The following PHACTR3 variants were observed in gnomAD, a reference collection of about 807,000 sequenced individuals.
The protein encoded by PHACTR3 is protein phosphatase 1, regulatory subunit 123.
PHACTR3 carries 16 observed loss-of-function variants against 66.8 expected under a neutral mutation model. The ratio of observed to expected loss-of-function variants is 0.24; its 90% confidence interval spans 0.16 to 0.36. The LOEUF (loss-of-function observed/expected upper bound fraction) is 0.36. Ranked by LOEUF, PHACTR3 falls within the 10% of genes least tolerant of loss-of-function variation. The pLI, the probability that PHACTR3 is intolerant of heterozygous loss-of-function variation, is 1.00. For synonymous variants in PHACTR3, 323 were observed against 292.1 expected, an observed-to-expected ratio of 1.11 and a Z score of -1.08; for missense variants, 647 against 719.9, an observed-to-expected ratio of 0.90 and a Z score of 1.16.
At chr20:59,658,176 C>T (rs916158352) in intron 1 of PHACTR3, among the ~76,000 whole-genome samples, 1 of 152,014 alleles carries the variant, frequency 6.6e-6, no homozygotes, top group African/African-American at 2.4e-5. Flanking sequence ...ATTTCTATCT[C>T]TTTATTGACA....
At chr20:59,755,022 C>A (rs1341225401) in intron 3 of PHACTR3, among the ~76,000 whole-genome samples, 160 bp from the exon 4 acceptor site, 2 of 152,014 alleles carry the variant, frequency 1.3e-5, no homozygotes, top group Non-Finnish European at 2.9e-5. Context: ...CCTGGAAAGT[C>A]CAGACTTGGA....
rs116783908 is a variant in PHACTR3, at chr20:59,578,629, C to T, written c.109+1012C>T. 5.0e-3 allele frequency among the ~76,000 whole-genome samples: 758 copies of T among 152,260 alleles called. 8 individuals carry two copies. Among genetic ancestry groups the T allele is most frequent in the African/African-American group, 0.017 (714 of 41,550 alleles). On this transcript the variant is annotated intron_variant, in intron 1 of 12. Transcript: ENST00000359926. ...CCACTGGCACCCAGTGGGCAGAAGC[C>T]GGGGACACTGCTAAGCATCCCGCAC... is the stretch of plus-strand genomic sequence containing the variant.
At chr20:59,763,475 T>C (rs117201967) in intron 4 of PHACTR3, among the ~76,000 whole-genome samples, 8 of 152,248 alleles carry the variant, frequency 5.3e-5, no homozygotes, top group Non-Finnish European at 1.0e-4. Flanking sequence ...ATTTGCAAGA[T>C]GGGTTGATGG....
chr20:59,725,584 G>C (rs2426824), intron 1 of PHACTR3, among the ~76,000 whole-genome samples: 10,790 of 152,280 alleles, frequency 0.071, 537 homozygotes, highest in South Asian at 0.12. Context: ...GGTGACCCTG[G>C]AATGAGGATT....
intron 1 of PHACTR3, among the ~76,000 whole-genome samples, chr20:59,595,236 G>A (rs961373915): frequency 9.9e-5 from 15 of 152,128 alleles, no homozygotes; most frequent in Non-Finnish European, 1.6e-4. Context: ...GCCGAGACGG[G>A]TGGATCACGA....
At chr20:59,843,761 A>G (rs2059104752) in intron 11 of PHACTR3, 1 of 152,174 alleles carries the variant, frequency 6.6e-6, no homozygotes, top group Non-Finnish European at 1.5e-5. Flanking sequence ...AGTCCAGGAC[A>G]TTGGTCTAGG....
intron 7 of PHACTR3, among the ~76,000 whole-genome samples, chr20:59,792,772 T>A (rs888178613): frequency 6.6e-6 from 1 of 152,260 alleles, no homozygotes; most frequent in Non-Finnish European, 1.5e-5. Flanking sequence ...TTTTTATGTT[T>A]GAGAGTTTCA....
At position 59,591,440 on chromosome 20, in the gene PHACTR3, C is replaced by T. The variant is rs542044382; in HGVS notation, c.109+13823C>T. 8.5e-5 allele frequency among the ~76,000 whole-genome samples: 13 copies of T among 152,270 alleles called. No homozygotes were observed. In the South Asian group the frequency reaches 2.5e-3, roughly 29 times the overall value. ...TTCCTGAGTGACACCATGCGGGGAA[C>T]TTGGTGGGTATTTTAGGGTACAGAT... On this transcript the variant is annotated intron_variant, in intron 1 of 12. Coordinates refer to the PHACTR3 transcript ENST00000359926.
rs1160259116 is a variant in PHACTR3 at position 59,845,248 on chromosome 20, A to C, written c.1647A>C (p.Ser549=). Residue 549 remains serine, a synonymous_variant, in exon 12 of 13, where the codon TCA becomes TCC. Coordinates refer to ENST00000371015, the MANE Select transcript of PHACTR3 (RefSeq NM_080672.5). ...GTAATGAAATGGAGGTACATGCATC[A>C]AGCAAGCACTTGACAAGGTCAGATT... ...YKSNEMEVHA[S]SKHLTRFHRP 6.2e-7 allele frequency: 1 copy of C among 1,607,948 alleles called. No homozygotes were observed. Among genetic ancestry groups the C allele is most frequent in the Non-Finnish European group, 8.5e-7 (1 of 1,175,266 alleles).
intron 1 of PHACTR3, chr20:59,628,533 G>C (rs941903865): frequency 4.1e-5 from 31 of 749,540 alleles, no homozygotes; most frequent in Non-Finnish European, 5.0e-5. Flanking sequence ...GCCACGTGCA[G>C]GCATTTCTGG....
intron 1 of PHACTR3, among the ~76,000 whole-genome samples, chr20:59,625,682 C>T (rs540090743): frequency 6.6e-6 from 1 of 152,258 alleles, no homozygotes; most frequent in African/African-American, 2.4e-5. Flanking sequence ...CCTCCTCTCA[C>T]CCCAATGTCA....
intron 7 of PHACTR3, among the ~76,000 whole-genome samples, chr20:59,780,536 T>C (rs1277390463): frequency 6.6e-6 from 1 of 152,112 alleles, no homozygotes; most frequent in Non-Finnish European, 1.5e-5. Context: ...ACCAATCCCA[T>C]TGGTGAGGGT....
chr20:59,806,667 C>T (rs1414252909), intron 8 of PHACTR3, among the ~76,000 whole-genome samples: 4 of 152,216 alleles, frequency 2.6e-5, no homozygotes, highest in Non-Finnish European at 4.4e-5. Flanking sequence ...CCCCCACCCA[C>T]ATACACACAG....
chr20:59,828,366 C>G (rs1195236658), intron 8 of PHACTR3, among the ~76,000 whole-genome samples: 1 of 152,186 alleles, frequency 6.6e-6, no homozygotes, highest in Non-Finnish European at 1.5e-5. Context: ...GGTGATTTTT[C>G]TGTAGCGGCA....
At chr20:59,590,332 C>A (rs2033148611) in intron 1 of PHACTR3, among the ~76,000 whole-genome samples, 1 of 152,182 alleles carries the variant, frequency 6.6e-6, no homozygotes, top group African/African-American at 2.4e-5. Flanking sequence ...CTCATGCATA[C>A]CTTCCTGTGT....
At chr20:59,608,577 G>A (rs756132330) in intron 1 of PHACTR3, among the ~76,000 whole-genome samples, 4 of 152,188 alleles carry the variant, frequency 2.6e-5, no homozygotes, top group African/African-American at 4.8e-5. Context: ...GCCCCAGCAC[G>A]ATGGTGGCCT....
chr20:59,621,867 CA>C (rs1354145152), intron 1 of PHACTR3, among the ~76,000 whole-genome samples: 6 of 152,226 alleles, frequency 3.9e-5, no homozygotes, highest in Admixed American at 3.9e-4. Context: ...CTTCCCTACC[CA>C]CTCCCCTCCT....
At chr20:59,723,203 G>C (rs1322562110) in intron 1 of PHACTR3, among the ~76,000 whole-genome samples, 2 of 151,182 alleles carry the variant, frequency 1.3e-5, no homozygotes, top group African/African-American at 4.9e-5. Context: ...TACACTCACG[G>C]GTTTGTGCAA....
intron 8 of PHACTR3, among the ~76,000 whole-genome samples, chr20:59,826,013 G>A (rs756440058): frequency 3.3e-5 from 5 of 152,130 alleles, no homozygotes; most frequent in Non-Finnish European, 7.4e-5. Context: ...CCCGGATGCC[G>A]AATCTGCTGG....
Sources: gnomAD v4.1 joint callset for allele counts (sites outside exome capture counted in the v4.1 genomes callset) on GRCh38, gnomAD v4.1.1 for gene constraint, MANE v1.5 for transcripts, NCBI Gene and HGNC (gene_info 2026-07-23, HGNC 2026-07-21) for gene names.